Variants in ATIC observed in about 807,000 individuals in gnomAD.
ATIC encodes the protein 5-aminoimidazole-4-carboxamide ribonucleotide formyltransferase/IMP cyclohydrolase, also known as bifunctional purine biosynthesis protein ATIC.
Under a neutral mutation model 72.5 loss-of-function variants are expected in ATIC, and 64 were observed. That is an observed-to-expected ratio of 0.88 (90% CI 0.72 to 1.09). The LOEUF is 1.09. ATIC is among the 50% of genes least tolerant of loss of function. The probability of loss-of-function intolerance (pLI) is 0.00; values close to 1 mark genes in which losing one functional copy is unlikely to be tolerated. For synonymous variants in ATIC, 281 were observed against 267.1 expected, an observed-to-expected ratio of 1.05 and a Z score of -0.51; for missense variants, 787 against 732.4, an observed-to-expected ratio of 1.07 and a Z score of -0.86.
intron 4 of ATIC, among the ~76,000 whole-genome samples, chr2:215,323,291 C>T (rs187539723): frequency 9.9e-5 from 15 of 152,230 alleles, no homozygotes; most frequent in Admixed American, 9.2e-4. Flanking sequence ...CTTCAGAGTC[C>T]CTTGCATTTC....
intron 11 of ATIC, among the ~76,000 whole-genome samples, chr2:215,337,569 G>A (rs1575122259): frequency 6.6e-6 from 1 of 152,292 alleles, no homozygotes; most frequent in South Asian, 2.1e-4. Context: ...GTTTCACCAT[G>A]TTGGCCAGGC....
intron 12 of ATIC, 122 bp from the exon 13 acceptor site, chr2:215,344,657 C>G: frequency 3.3e-6 from 3 of 912,220 alleles, no homozygotes; most frequent in Non-Finnish European, 5.2e-6. Context: ...CCCATTGTGC[C>G]TGGGAGACAG....
intron 2 of ATIC, among the ~76,000 whole-genome samples, chr2:215,316,786 G>GA (rs2052714291): frequency 6.6e-6 from 1 of 151,992 alleles, no homozygotes; most frequent in Non-Finnish European, 1.5e-5. Context: ...TTTTGAGACG[G>GA]AGTTTTGCTG....
At chr2:215,344,940 G>A in intron 13 of ATIC, 69 bp downstream of exon 13, 5 of 1,476,828 alleles carry the variant, frequency 3.4e-6, no homozygotes, top group Non-Finnish European at 4.7e-6. Context: ...ACATCCGTCT[G>A]CCTTAGATAT....
chr2:215,341,559 C>T (rs909527312), intron 12 of ATIC, among the ~76,000 whole-genome samples: 29 of 152,108 alleles, frequency 1.9e-4, no homozygotes, highest in African/African-American at 5.3e-4. Flanking sequence ...CTGTTTTACC[C>T]GTCTTTTTAA....
At chr2:215,343,319 A>G (rs2053039461) in intron 12 of ATIC, among the ~76,000 whole-genome samples, 1 of 151,934 alleles carries the variant, frequency 6.6e-6, no homozygotes, top group Admixed American at 6.6e-5. Context: ...TTCTAATTAA[A>G]TTTTTGATTG....
chr2:215,356,127 A>G, the ATIC span, among the ~76,000 whole-genome samples: 2 of 152,236 alleles, frequency 1.3e-5, no homozygotes, highest in Non-Finnish European at 2.9e-5. Flanking sequence ...GACGTCTTAG[A>G]GTTGCTCTGA....
chr2:215,315,285 T>C (rs2052696652), intron 2 of ATIC, among the ~76,000 whole-genome samples: 1 of 152,160 alleles, frequency 6.6e-6, no homozygotes, highest in Non-Finnish European at 1.5e-5. Context: ...TAAACTGCCC[T>C]GGGGAAGAGA....
chr2:215,353,651 TC>T (rs1335677435), downstream of ATIC, among the ~76,000 whole-genome samples: 4 of 152,164 alleles, frequency 2.6e-5, no homozygotes, highest in East Asian at 7.8e-4. Context: ...AACCTCCACC[TC>T]CCAGGTTCAA....
chr2:215,350,686 C>T (rs1419926121), downstream of ATIC, among the ~76,000 whole-genome samples: 1 of 152,090 alleles, frequency 6.6e-6, no homozygotes, highest in Non-Finnish European at 1.5e-5. Context: ...GAAATTGTAC[C>T]CAATATTCCA....
At chr2:215,358,081 T>C in the ATIC span, among the ~76,000 whole-genome samples, 1 of 152,218 alleles carries the variant, frequency 6.6e-6, no homozygotes, top group African/African-American at 2.4e-5. Context: ...TTTCCTGTAC[T>C]TGTAATTTCC....
chr2:215,327,315 G>C (rs572297545), intron 7 of ATIC, among the ~76,000 whole-genome samples: 2 of 152,314 alleles, frequency 1.3e-5, no homozygotes, highest in South Asian at 4.1e-4. Flanking sequence ...GTGTACTGTG[G>C]AGGAACCAGC....
chr2:215,347,891 T>C (rs11682496), intron 14 of ATIC, among the ~76,000 whole-genome samples: 20,193 of 152,136 alleles, frequency 0.13, 1,717 homozygotes, highest in East Asian at 0.22. Context: ...GGGTAACTTA[T>C]AAACCATAGA....
At chr2:215,364,298 T>A in the ATIC span, 1 of 175,954 alleles carries the variant, frequency 5.7e-6, no homozygotes, top group African/African-American at 2.5e-5. Context: ...TTCTTACATC[T>A]GAGATATTAT....
chr2:215,345,602 A>G (rs1362188427), intron 13 of ATIC: 1 of 152,564 alleles, frequency 6.6e-6, no homozygotes, highest in East Asian at 1.9e-4. Context: ...ATCTCTTGGC[A>G]TTTGTTAAAT....
intron 4 of ATIC, among the ~76,000 whole-genome samples, chr2:215,320,196 A>T (rs563216315): frequency 6.6e-6 from 1 of 152,342 alleles, no homozygotes; most frequent in South Asian, 2.1e-4. Context: ...AGTTATTTGC[A>T]TAAAGATACT....
chr2:215,346,687 G>A lies in ATIC; in HGVS notation c.1321-72G>A, dbSNP rs74873474. ...AACTAATAAATAGGTTTTGGAGAATGTGCACAAAAGATCCTTTTGAGAAGA... is the reference window on the plus strand; with the variant it reads ...AACTAATAAATAGGTTTTGGAGAATATGCACAAAAGATCCTTTTGAGAAGA... On this transcript the variant is annotated intron_variant, in intron 13 of 15. Coordinates refer to ENST00000236959, the MANE Select transcript of ATIC (RefSeq NM_004044.7). 3,084 of 1,525,978 alleles carry A rather than the reference G, an allele frequency of 2.0e-3. 51 individuals are homozygous for A. The African/African-American group carries it at 0.036, about 18-fold the overall frequency. 94.5% of individuals were successfully genotyped at this position (1,525,978 alleles called of 1,614,324 possible). A position where few individuals can be genotyped will look rare whatever the true frequency, so the allele number is the denominator to read the frequency against.
At chr2:215,367,544 C>T in the ATIC span, 4 of 382,090 alleles carry the variant, frequency 1.0e-5, no homozygotes, top group Non-Finnish European at 2.0e-5. Context: ...CTCTAATACT[C>T]TTAAATAGAC....
chr2:215,349,912 AACAT>A (rs1053777477), downstream of ATIC: 22 of 581,102 alleles, frequency 3.8e-5, no homozygotes, highest in African/African-American at 3.6e-4. Context: ...GTGAAACATA[AACAT>A]TAGCAGGAAC....
Sources: allele counts gnomAD v4.1 joint callset (sites outside exome capture counted in the v4.1 genomes callset), GRCh38; gene constraint gnomAD v4.1.1; transcripts MANE v1.5; gene names NCBI Gene and HGNC (gene_info 2026-07-23, HGNC 2026-07-21).